The following PBX3 variants were observed in gnomAD, a reference collection of about 807,000 sequenced individuals.
The protein encoded by PBX3 is PBX homeobox 3, also known as pre-B-cell leukemia transcription factor 3.
In PBX3, 14 loss-of-function variants were observed where a neutral mutation model predicts 48.5. The ratio of observed to expected loss-of-function variants is 0.29; its 90% CI spans 0.19 to 0.45. The LOEUF is 0.45. Ranked by LOEUF, PBX3 falls within the 20% of genes least tolerant of loss-of-function variation. The pLI is 1.00. For synonymous variants in PBX3, 210 were observed against 200.3 expected (o/e 1.05, Z -0.41); for missense variants, 386 against 546.7 (o/e 0.71, Z 2.93).
At chr9:125,944,121 G>A (rs772482078) in intron 5 of PBX3, among the ~76,000 whole-genome samples, 8 of 152,200 alleles carry the variant, frequency 5.3e-5, no homozygotes, top group Admixed American at 1.3e-4. Flanking sequence ...CAGAACAGGC[G>A]CCTTGCTCAA....
intron 1 of PBX3, 157 bp from the exon 2 acceptor site, chr9:125,748,393 G>A (rs1053021563): frequency 1.7e-5 from 23 of 1,391,172 alleles, no homozygotes; most frequent in Non-Finnish European, 2.2e-5. Flanking sequence ...TGGCTGTCGG[G>A]AACTAGTCAA....
intron 2 of PBX3, among the ~76,000 whole-genome samples, chr9:125,829,348 G>T (rs1017281216): frequency 6.6e-6 from 1 of 151,996 alleles, no homozygotes; most frequent in African/African-American, 2.4e-5. Flanking sequence ...ATGCAACCGA[G>T]GTACATTTTC....
intron 2 of PBX3, among the ~76,000 whole-genome samples, chr9:125,788,115 G>A (rs973558906): frequency 6.6e-6 from 1 of 152,180 alleles, no homozygotes; most frequent in Non-Finnish European, 1.5e-5. Flanking sequence ...AACAGTGGAT[G>A]CTACCTTGCC....
chr9:125,755,228 TTAAC>T (rs200668563), intron 2 of PBX3, among the ~76,000 whole-genome samples: 2,049 of 152,210 alleles, frequency 0.013, 36 homozygotes, highest in African/African-American at 0.04. Context: ...CAAATTCAAA[TTAAC>T]TAATTGAGAA....
chr9:125,871,953 A>G (rs896216271), intron 2 of PBX3, among the ~76,000 whole-genome samples: 5 of 152,196 alleles, frequency 3.3e-5, no homozygotes, highest in Admixed American at 6.5e-5. Flanking sequence ...GTCTTTTTCT[A>G]TGTATGTGTG....
rs111877787 is a variant in PBX3, at chr9:125,841,060, C to A, written c.275-74626C>A. Among the ~76,000 whole-genome samples the A allele has an allele frequency of 2.7e-3, 416 of 152,160 alleles. 1 individual carries two copies. The highest frequency in any genetic ancestry group is 9.6e-3 in the African/African-American group (399 of 41,510). On this transcript the variant is annotated intron_variant, in intron 2 of 8. Transcript: ENST00000373489. Reference sequence around the variant, plus strand: ...TGTACTAACACTAGGGCTAACCATGCGCTAGGGACTATGAATAGCCTCTTT... The same window carrying A: ...TGTACTAACACTAGGGCTAACCATGAGCTAGGGACTATGAATAGCCTCTTT...
chr9:125,747,437 C>T lies in PBX3; in HGVS notation c.-17C>T. ...CTTCGCCTCAGCCGCCGCCCGCTCC[C>T]GCCCGCGCGCGGCGGGATGGACGAT... On this transcript the variant is annotated 5_prime_UTR_variant, in exon 1 of 9. Transcript: ENST00000373489. The T allele has an allele frequency of 6.8e-7, 1 of 1,464,712 alleles. No individual in the cohort carries two copies. The highest frequency in any genetic ancestry group is 9.0e-7 in the Non-Finnish European group (1 of 1,106,298). The allele number at this position is 1,464,712 out of a possible 1,614,324, so 90.7% of individuals were successfully genotyped here.
chr9:125,825,329 T>C (rs899519033), intron 2 of PBX3, among the ~76,000 whole-genome samples: 3 of 152,140 alleles, frequency 2.0e-5, no homozygotes, highest in South Asian at 2.1e-4. Flanking sequence ...CTTTGGCTTA[T>C]GTGGGTTATA....
chr9:125,803,932 T>C (rs1459034491), intron 2 of PBX3, among the ~76,000 whole-genome samples: 1 of 152,232 alleles, frequency 6.6e-6, no homozygotes, highest in Non-Finnish European at 1.5e-5. Flanking sequence ...GCAAAGTCAG[T>C]GTAGACTCTA....
chr9:125,829,757 C>T (rs4132351), intron 2 of PBX3, among the ~76,000 whole-genome samples: 4 of 152,204 alleles, frequency 2.6e-5, no homozygotes, highest in African/African-American at 7.2e-5. Context: ...TAAGAAGATT[C>T]TAATTGAAGA....
chr9:125,921,600 G>A (rs193067332), intron 3 of PBX3, among the ~76,000 whole-genome samples: 15 of 152,142 alleles, frequency 9.9e-5, no homozygotes, highest in African/African-American at 3.6e-4. Context: ...ATGTAATTAG[G>A]TAAGAAGTGT....
chr9:125,873,187 AAAAACAAAAC>A (rs201592676), intron 2 of PBX3, among the ~76,000 whole-genome samples: 62 of 152,240 alleles, frequency 4.1e-4, no homozygotes, highest in African/African-American at 7.0e-4. Context: ...TCTGTCTCAA[AAAAACAAAAC>A]AAAACAAAAC....
intron 2 of PBX3, among the ~76,000 whole-genome samples, chr9:125,810,493 C>T (rs1838258420): frequency 6.6e-6 from 1 of 151,870 alleles, no homozygotes; most frequent in South Asian, 2.1e-4. Flanking sequence ...TACAGAATTT[C>T]ATTCTGACTC....
intron 2 of PBX3, among the ~76,000 whole-genome samples, chr9:125,875,201 A>C (rs1011357586): frequency 6.6e-6 from 1 of 152,182 alleles, no homozygotes; most frequent in Non-Finnish European, 1.5e-5. Context: ...AGAAAAAGTA[A>C]CTTACCAATT....
chr9:125,956,274 C>T (rs1283166163), intron 5 of PBX3, among the ~76,000 whole-genome samples: 2 of 152,126 alleles, frequency 1.3e-5, no homozygotes, highest in Non-Finnish European at 2.9e-5. Context: ...AATTTGAAAC[C>T]GGATTCTGAG....
At chr9:125,793,670 T>C (rs938509476) in intron 2 of PBX3, among the ~76,000 whole-genome samples, 4 of 151,868 alleles carry the variant, frequency 2.6e-5, no homozygotes, top group African/African-American at 9.7e-5. Flanking sequence ...CCTCAGGTAA[T>C]CCGCCTGCCT....
chr9:125,965,363 C>A (rs1268179232), intron 8 of PBX3, among the ~76,000 whole-genome samples: 1 of 152,144 alleles, frequency 6.6e-6, no homozygotes, highest in Non-Finnish European at 1.5e-5. Flanking sequence ...CCTTCACTTT[C>A]CAAGGGTTAC....
chr9:125,873,497 C>T (rs1840177238), intron 2 of PBX3, among the ~76,000 whole-genome samples: 1 of 152,132 alleles, frequency 6.6e-6, no homozygotes, highest in Non-Finnish European at 1.5e-5. Flanking sequence ...ATACCATATT[C>T]TCTTATGACA....
chr9:125,803,091 CTTTT>C (rs59714151), intron 2 of PBX3, among the ~76,000 whole-genome samples: 2 of 108,910 alleles, frequency 1.8e-5, no homozygotes, highest in Non-Finnish European at 1.9e-5. Flanking sequence ...CCACTAATGT[CTTTT>C]TTTTTTTTTT....
Sources: gnomAD v4.1 joint callset for allele counts (sites outside exome capture counted in the v4.1 genomes callset) on GRCh38, gnomAD v4.1.1 for gene constraint, MANE v1.5 for transcripts, NCBI Gene and HGNC (gene_info 2026-07-23, HGNC 2026-07-21) for gene names.